CORIN: variants seen among roughly 807,000 people sequenced by gnomAD.
The protein encoded by CORIN is atrial natriuretic peptide-converting enzyme.
A neutral mutation model predicts 125.3 loss-of-function variants in CORIN; 117 were observed. That is an observed-to-expected ratio of 0.93 (90% confidence interval 0.80 to 1.09). The LOEUF (loss-of-function observed/expected upper bound fraction) is 1.09, where lower values mean the gene tolerates loss of function less well. Among genes scored for constraint, CORIN ranks in the 50% least tolerant of loss-of-function variants. CORIN has a pLI of 0.00. For missense variants in CORIN, 1,253 were observed against 1,306.7 expected, an observed-to-expected ratio of 0.96 and a Z score of 0.63; for synonymous variants, 450 against 466.4, an observed-to-expected ratio of 0.96 and a Z score of 0.45.
chr4:47,642,772 A>C, intron 15 of CORIN: 6 of 1,274,488 alleles, frequency 4.7e-6, no homozygotes, highest in Non-Finnish European at 6.3e-6. Context: ...TAGGGAAGGC[A>C]GAGGGGCCAC....
At chr4:47,723,813 G>A (rs1252399916) in intron 5 of CORIN, among the ~76,000 whole-genome samples, 2 of 151,800 alleles carry the variant, frequency 1.3e-5, no homozygotes. Context: ...TGGCTAACAC[G>A]GTGAAACCCT....
intron 9 of CORIN, among the ~76,000 whole-genome samples, chr4:47,677,154 T>C (rs1025110987): frequency 1.3e-5 from 2 of 152,236 alleles, no homozygotes; most frequent in South Asian, 2.1e-4. Flanking sequence ...GTTTTTGCCA[T>C]ATGCCAACAC....
chr4:47,809,867 G>C (rs1319961500), intron 1 of CORIN, among the ~76,000 whole-genome samples: 1 of 152,188 alleles, frequency 6.6e-6, no homozygotes, highest in African/African-American at 2.4e-5. Context: ...GCCCTTGGAG[G>C]TTCCTCTGAA....
At chr4:47,647,031 T>C (rs925433923) in intron 13 of CORIN, among the ~76,000 whole-genome samples, 7 of 152,200 alleles carry the variant, frequency 4.6e-5, no homozygotes, top group African/African-American at 1.7e-4. Flanking sequence ...AAATAAATAG[T>C]GAGAGTCTTT....
chr4:47,805,229 A>G (rs939147556), intron 2 of CORIN, among the ~76,000 whole-genome samples: 3 of 151,880 alleles, frequency 2.0e-5, no homozygotes, highest in African/African-American at 4.8e-5. Context: ...GTGACAAAGT[A>G]TAAATGCTTG....
At chr4:47,653,323 G>A (rs1399262433) in intron 13 of CORIN, among the ~76,000 whole-genome samples, 1 of 152,184 alleles carries the variant, frequency 6.6e-6, no homozygotes, top group Non-Finnish European at 1.5e-5. Context: ...GGATAAGGGG[G>A]AGGGGTACTG....
intron 5 of CORIN, among the ~76,000 whole-genome samples, chr4:47,712,520 C>G (rs1342057196): frequency 6.6e-6 from 1 of 152,106 alleles, no homozygotes; most frequent in African/African-American, 2.4e-5. Context: ...TGGGCTCAAA[C>G]AGTCCACTCT....
intron 12 of CORIN, among the ~76,000 whole-genome samples, chr4:47,660,841 A>G (rs908084665): frequency 6.6e-6 from 1 of 152,196 alleles, no homozygotes; most frequent in African/African-American, 2.4e-5. Context: ...TACCTAAAAG[A>G]AAGGAAACCA....
chr4:47,625,457 G>T (rs1043949613), intron 17 of CORIN, among the ~76,000 whole-genome samples: 3 of 151,974 alleles, frequency 2.0e-5, no homozygotes, highest in Non-Finnish European at 2.9e-5. Context: ...GACCTGAAAG[G>T]TTTTTTCTGG....
Position 47,653,575 on chromosome 4 carries a change from A to G in CORIN, c.1821T>C (p.Asp607=), listed in dbSNP as rs1306952310. 2.5e-6 allele frequency: 4 copies of G among 1,614,112 alleles called. No homozygotes were observed. The highest frequency in any genetic ancestry group is 3.4e-6 in the Non-Finnish European group (4 of 1,179,952). The change falls in exon 13 of 22, where the codon GAT becomes GAC. Residue 607 remains aspartate, a synonymous_variant. Transcript: ENST00000273857. ...TACCACAGTTTTCCTCATCACTGTC[A>G]TCGTCACAGTCGGCCTGGCCATCAC... The part of the protein sequence containing the change: ...RRCDGQADCD[D]DSDEENCGCK...
chr4:47,634,744 G>C (rs1325693335), intron 16 of CORIN, among the ~76,000 whole-genome samples: 1 of 152,158 alleles, frequency 6.6e-6, no homozygotes, highest in African/African-American at 2.4e-5. Flanking sequence ...CACTTTGATT[G>C]GTCCATCTTG....
chr4:47,725,421 A>G (rs1387023172), intron 5 of CORIN, among the ~76,000 whole-genome samples: 1 of 152,170 alleles, frequency 6.6e-6, no homozygotes, highest in Non-Finnish European at 1.5e-5. Context: ...TTAAGGAATG[A>G]GCACATAAAT....
chr4:47,688,536 A>G (rs1198830949), intron 6 of CORIN, among the ~76,000 whole-genome samples: 1 of 152,132 alleles, frequency 6.6e-6, no homozygotes, highest in African/African-American at 2.4e-5. Context: ...CGGGTAGTGG[A>G]GGCTGCAATG....
intron 1 of CORIN, among the ~76,000 whole-genome samples, chr4:47,832,445 C>CTTTTTTTTTTTTTTTTTTTTTCT (rs1211972356): frequency 1.3e-5 from 1 of 76,922 alleles, no homozygotes; most frequent in Non-Finnish European, 2.9e-5. Context: ...CTTTTCTTTT[C>CTTTTTTTTTTTTTTTTTTTTTCT]TTTTTTTTTT....
At chr4:47,614,031 G>T (rs1344225648) in intron 19 of CORIN, among the ~76,000 whole-genome samples, 1 of 151,876 alleles carries the variant, frequency 6.6e-6, no homozygotes, top group Admixed American at 6.6e-5. Context: ...TGTCTAAAAA[G>T]AAACAAAGTG....
chr4:47,795,625 A>C (rs536478793), intron 2 of CORIN, among the ~76,000 whole-genome samples: 8 of 152,226 alleles, frequency 5.3e-5, no homozygotes, highest in African/African-American at 1.9e-4. Flanking sequence ...CATCAAACTG[A>C]AAACTTTGCA....
At chr4:47,786,537 G>A (rs907622066) in intron 3 of CORIN, among the ~76,000 whole-genome samples, 188 bp downstream of exon 3, 8 of 151,904 alleles carry the variant, frequency 5.3e-5, no homozygotes, top group East Asian at 1.9e-4. Flanking sequence ...GCAAAACTCC[G>A]CCTGAAAAAC....
intron 2 of CORIN, among the ~76,000 whole-genome samples, chr4:47,801,152 G>A (rs1448776491): frequency 6.6e-6 from 1 of 152,160 alleles, no homozygotes; most frequent in African/African-American, 2.4e-5. Flanking sequence ...CCTTAGGAAA[G>A]CAACATGTTG....
intron 5 of CORIN, among the ~76,000 whole-genome samples, chr4:47,698,962 C>T (rs2109754183): frequency 6.6e-6 from 1 of 152,340 alleles, no homozygotes; most frequent in South Asian, 2.1e-4. Flanking sequence ...GGCTGGACTG[C>T]ATAGCCTGGA....
Sources: allele counts gnomAD v4.1 joint callset (sites outside exome capture counted in the v4.1 genomes callset), GRCh38; gene constraint gnomAD v4.1.1; transcripts MANE v1.5; gene names NCBI Gene and HGNC (gene_info 2026-07-23, HGNC 2026-07-21).